The following LHPP variants were observed in gnomAD, a reference collection of about 807,000 sequenced individuals.
LHPP encodes the protein phospholysine phosphohistidine inorganic pyrophosphate phosphatase, also known as hLHPP.
A neutral mutation model predicts 30.3 loss-of-function variants in LHPP; 24 were observed. The ratio of observed to expected loss-of-function variants is 0.79; its 90% CI spans 0.57 to 1.11. The LOEUF (loss-of-function observed/expected upper bound fraction) is 1.11, where lower values mean the gene tolerates loss of function less well. Among genes scored for constraint, LHPP ranks in the 50% most tolerant of loss-of-function variants. The pLI is 0.00. For missense variants in LHPP, 356 were observed against 367.2 expected (o/e 0.97, Z 0.25); for synonymous variants, 150 against 157.1 (o/e 0.95, Z 0.34).
intron 6 of LHPP, among the ~76,000 whole-genome samples, chr10:124,594,329 C>CAAA (rs71026102): frequency 0.016 from 1,209 of 74,346 alleles, 45 homozygotes; most frequent in African/African-American, 0.033. Context: ...GACTCCATCT[C>CAAA]AAAAAAAAAA....
chr10:124,506,041 C>T (rs1346729159), intron 5 of LHPP, among the ~76,000 whole-genome samples: 6 of 152,032 alleles, frequency 3.9e-5, no homozygotes, highest in East Asian at 3.9e-4. Flanking sequence ...CCCAGGAGTT[C>T]GAGACCAGCC....
At chr10:124,493,708 C>T (rs570683190) in intron 3 of LHPP, 1 of 152,324 alleles carries the variant, frequency 6.6e-6, no homozygotes, top group African/African-American at 2.4e-5. Flanking sequence ...GGGCTTCCCC[C>T]TTTCTTTCCA....
chr10:124,583,357 T>C (rs1485382265), intron 6 of LHPP, among the ~76,000 whole-genome samples: 1 of 152,234 alleles, frequency 6.6e-6, no homozygotes, highest in Non-Finnish European at 1.5e-5. Flanking sequence ...TCTGTTCTTT[T>C]GCATGGTGCT....
At position 124,482,672 on chromosome 10, in the gene LHPP, G is replaced by A. The variant is rs1424846283; in HGVS notation, c.126-1467G>A. The stretch of plus-strand genomic sequence containing the variant: ...CTCTGTAGGTTCCTCTAGCACGCTC[G>A]GGTCCCTTCCTGGTGGGCGCCAGGT... On this transcript the variant is annotated intron_variant, in intron 1 of 6. Transcript: ENST00000368842. 2.0e-5 allele frequency among the ~76,000 whole-genome samples: 3 copies of A among 151,866 alleles called. No individual in the cohort carries two copies. In the South Asian group the frequency reaches 6.3e-4, roughly 32 times the overall value.
chr10:124,562,039 G>A (rs1373100464), intron 6 of LHPP, among the ~76,000 whole-genome samples: 3 of 152,212 alleles, frequency 2.0e-5, no homozygotes, highest in African/African-American at 7.2e-5. Flanking sequence ...AGGTACGGTG[G>A]CTCATGCCTG....
intron 3 of LHPP, among the ~76,000 whole-genome samples, chr10:124,492,656 A>G (rs2133864687): frequency 6.6e-6 from 1 of 152,354 alleles, no homozygotes; most frequent in Admixed American, 6.5e-5. Context: ...GTTTGACCAC[A>G]TATCTGGGCA....
intron 6 of LHPP, among the ~76,000 whole-genome samples, chr10:124,595,523 A>T (rs1207355578): frequency 6.6e-6 from 1 of 152,350 alleles, no homozygotes; most frequent in East Asian, 1.9e-4. Flanking sequence ...TGTCACTCCT[A>T]AACAGTTATC....
rs1253146832 is a variant in LHPP, at chr10:124,496,981, C to G, written c.488C>G (p.Ser163Cys). The G allele has an allele frequency of 6.2e-7, 1 of 1,614,172 alleles. No individual in the cohort carries two copies. The highest frequency in any genetic ancestry group is 1.3e-5 in the African/African-American group (1 of 75,068). The stretch of plus-strand genomic sequence containing the variant: ...CCTAGGCGTTACTACAAGGAGACCT[C>G]TGGCCTGATGCTGGACGTTGGTCCC... ...LGKGRYYKET[S>C]GLMLDVGPYM... Residue 163 changes from serine to cysteine, a missense_variant, in exon 4 of 7, where the codon TCT becomes TGT. Coordinates refer to ENST00000368842, the MANE Select transcript of LHPP (RefSeq NM_022126.4). The surrounding 1 kb of genome is among the most constrained non-coding windows in gnomAD (Gnocchi z 4.3).
At chr10:124,545,198 A>T (rs573360192) in intron 6 of LHPP, among the ~76,000 whole-genome samples, 16 of 152,094 alleles carry the variant, frequency 1.1e-4, no homozygotes, top group Non-Finnish European at 2.2e-4. Context: ...AGATGGACAA[A>T]AACCAGGTTT....
At chr10:124,473,962 C>T (rs527536265) in intron 1 of LHPP, among the ~76,000 whole-genome samples, 1 of 151,900 alleles carries the variant, frequency 6.6e-6, no homozygotes, top group Non-Finnish European at 1.5e-5. Flanking sequence ...AAAGCAAAAA[C>T]AAACAAAAGC....
intron 5 of LHPP, chr10:124,498,793 C>T (rs1254144007): frequency 1.8e-5 from 8 of 436,542 alleles, no homozygotes; most frequent in Admixed American, 1.6e-4. Flanking sequence ...TCTCAGTGCC[C>T]CCTTAACCCC....
At chr10:124,601,499 AGG>A (rs1283121925) in intron 6 of LHPP, among the ~76,000 whole-genome samples, 1 of 152,096 alleles carries the variant, frequency 6.6e-6, no homozygotes, top group Non-Finnish European at 1.5e-5. Context: ...TTGCCACGTG[AGG>A]GAGTCTCTGG....
chr10:124,599,686 T>A (rs1052690567), intron 6 of LHPP, among the ~76,000 whole-genome samples: 7 of 152,382 alleles, frequency 4.6e-5, no homozygotes, highest in Middle Eastern at 3.4e-3. Flanking sequence ...GAAGCCACTT[T>A]TGCTGTCTGG....
chr10:124,471,990 G>A (rs1952793665), intron 1 of LHPP, among the ~76,000 whole-genome samples: 1 of 151,782 alleles, frequency 6.6e-6, no homozygotes. Context: ...GAGGTCAACT[G>A]ATGAGAATGA....
chr10:124,498,235 C>A, intron 5 of LHPP, 107 bp downstream of exon 5: 1 of 1,494,016 alleles, frequency 6.7e-7, no homozygotes, highest in Non-Finnish European at 9.3e-7. Context: ...GTTGGCCAGG[C>A]AGCCAAGCGT....
intron 1 of LHPP, among the ~76,000 whole-genome samples, chr10:124,462,284 G>A (rs1368005179): frequency 6.6e-6 from 1 of 152,180 alleles, no homozygotes; most frequent in Non-Finnish European, 1.5e-5. Flanking sequence ...TGCTGTAAGC[G>A]TAAAATGCAT....
intron 6 of LHPP, among the ~76,000 whole-genome samples, chr10:124,560,653 C>CA (rs1948380837): frequency 1.3e-5 from 2 of 152,234 alleles, no homozygotes; most frequent in Non-Finnish European, 2.9e-5. Context: ...ACGTCAGGCT[C>CA]ACAGGTGAGC....
chr10:124,581,731 A>AT (rs1482154460), intron 6 of LHPP, among the ~76,000 whole-genome samples: 12 of 151,962 alleles, frequency 7.9e-5, no homozygotes, highest in African/African-American at 2.4e-4. Flanking sequence ...GTCTATTCAA[A>AT]TTTTTTGCAC....
rs1948890209 is a variant in LHPP at position 124,592,305 on chromosome 10, A to G, written c.717-20959A>G. ...CTCCTCAACCCTCTCAGCACCCCAA[A>G]GAGGGAAGTCCCATCACCCTCACTC... is the stretch of plus-strand genomic sequence containing the variant. On this transcript the variant is annotated intron_variant, in intron 6 of 6. Coordinates refer to ENST00000368842, the MANE Select transcript of LHPP (RefSeq NM_022126.4). This position sits in a 1 kb window ranked among gnomAD's most constrained non-coding sequence, Gnocchi z 6.2. 6.6e-6 allele frequency among the ~76,000 whole-genome samples: 1 copy of G among 152,124 alleles called. No homozygotes were observed. The highest frequency in any genetic ancestry group is 2.4e-5 in the African/African-American group (1 of 41,424).
Sources: gnomAD v4.1 joint callset for allele counts (sites outside exome capture counted in the v4.1 genomes callset) on GRCh38, gnomAD v4.1.1 for gene constraint, Gnocchi (gnomAD v3.1) non-coding constraint, MANE v1.5 for transcripts, NCBI Gene and HGNC (gene_info 2026-07-23, HGNC 2026-07-21) for gene names.